SCFD2: variants seen among roughly 807,000 people sequenced by gnomAD.
SCFD2 encodes the protein sec1 family domain containing 2, also known as sec1 family domain-containing protein 2.
A neutral mutation model predicts 58.9 loss-of-function variants in SCFD2; 54 were observed. The observed-to-expected ratio is 0.92, with a 90% CI of 0.74 to 1.15. The LOEUF (loss-of-function observed/expected upper bound fraction) is 1.15. SCFD2 is among the 50% of genes most tolerant of loss of function. SCFD2 has a pLI of 0.00. For missense variants in SCFD2, 805 were observed against 836.6 expected, an observed-to-expected ratio of 0.96 and a Z score of 0.47; for synonymous variants, 321 against 335.9, an observed-to-expected ratio of 0.96 and a Z score of 0.49.
intron 4 of SCFD2, among the ~76,000 whole-genome samples, chr4:53,187,992 C>G (rs1281912425): frequency 2.0e-5 from 3 of 152,032 alleles, no homozygotes; most frequent in South Asian, 2.1e-4. Context: ...AAAAGTCATA[C>G]AGTAATGAGC....
At chr4:53,236,876 G>T (rs1180759898) in intron 4 of SCFD2, among the ~76,000 whole-genome samples, 7 of 151,112 alleles carry the variant, frequency 4.6e-5, no homozygotes, top group Non-Finnish European at 8.8e-5. Flanking sequence ...ATTCTTGGGT[G>T]TTTCTCACAG....
At chr4:53,149,806 A>G (rs1726453863) in intron 4 of SCFD2, among the ~76,000 whole-genome samples, 1 of 152,196 alleles carries the variant, frequency 6.6e-6, no homozygotes, top group Admixed American at 6.5e-5. Flanking sequence ...TGACAAAAAC[A>G]TCAGAAAAAT....
intron 5 of SCFD2, among the ~76,000 whole-genome samples, chr4:52,931,088 T>C (rs757992321): frequency 1.3e-5 from 2 of 152,192 alleles, no homozygotes; most frequent in African/African-American, 2.4e-5. Flanking sequence ...AGGCTCCTAC[T>C]AGGAATCACA....
At chr4:53,144,475 T>C (rs1726262852) in intron 5 of SCFD2, among the ~76,000 whole-genome samples, 1 of 148,078 alleles carries the variant, frequency 6.8e-6, no homozygotes, top group South Asian at 2.1e-4. Context: ...GACATATAGA[T>C]ACAGGTGTGT....
intron 5 of SCFD2, among the ~76,000 whole-genome samples, chr4:52,959,927 T>TACACAC (rs773748716): frequency 3.4e-5 from 4 of 116,030 alleles, no homozygotes; most frequent in Non-Finnish European, 5.3e-5. Flanking sequence ...CACACACACT[T>TACACAC]GAATCACCTA....
At chr4:53,200,366 C>T (rs1342200831) in intron 4 of SCFD2, among the ~76,000 whole-genome samples, 1 of 152,044 alleles carries the variant, frequency 6.6e-6, no homozygotes, top group East Asian at 1.9e-4. Flanking sequence ...TCACCACCAC[C>T]ACCACCAACT....
intron 4 of SCFD2, among the ~76,000 whole-genome samples, chr4:53,147,652 T>G (rs1448810071): frequency 6.6e-6 from 1 of 152,212 alleles, no homozygotes; most frequent in Non-Finnish European, 1.5e-5. Context: ...ACCCTAGGGC[T>G]GCCCTGTAGC....
At chr4:53,170,842 G>A (rs1727158426) in intron 4 of SCFD2, among the ~76,000 whole-genome samples, 1 of 152,122 alleles carries the variant, frequency 6.6e-6, no homozygotes, top group Admixed American at 6.5e-5. Context: ...AGCTGTTGGT[G>A]TATAGAAATG....
At chr4:53,266,238 AATCCAGGTGAGAATAT>A (rs775385264) in intron 4 of SCFD2, among the ~76,000 whole-genome samples, 37 of 152,158 alleles carry the variant, frequency 2.4e-4, no homozygotes, top group Non-Finnish European at 3.7e-4. Flanking sequence ...AGGAAACCAA[AATCCAGGTGAGAATAT>A]ATTAAAGACA....
chr4:52,911,750 T>G (rs1352796467), intron 6 of SCFD2, among the ~76,000 whole-genome samples: 1 of 152,228 alleles, frequency 6.6e-6, no homozygotes, highest in Non-Finnish European at 1.5e-5. Flanking sequence ...TATGAAAATG[T>G]GATAGTTATC....
chr4:53,297,644 G>A (rs1365518591), intron 3 of SCFD2, among the ~76,000 whole-genome samples: 1 of 152,106 alleles, frequency 6.6e-6, no homozygotes, highest in Non-Finnish European at 1.5e-5. Flanking sequence ...GGGGCATTTA[G>A]CCCATTTACA....
chr4:53,019,091 T>C (rs531493192), intron 5 of SCFD2, among the ~76,000 whole-genome samples: 13 of 152,274 alleles, frequency 8.5e-5, no homozygotes, highest in Non-Finnish European at 1.0e-4. Context: ...ATTAGGAGCC[T>C]TAAAAAGGAT....
chr4:52,970,962 T>G (rs1373051544), intron 5 of SCFD2, among the ~76,000 whole-genome samples: 3 of 152,194 alleles, frequency 2.0e-5, no homozygotes, highest in Admixed American at 2.0e-4. Context: ...GGGTCCTGAC[T>G]GTTAGAAGGA....
At chr4:53,301,716 A>C (rs1732307563) in intron 3 of SCFD2, among the ~76,000 whole-genome samples, 2 of 152,224 alleles carry the variant, frequency 1.3e-5, no homozygotes, top group Non-Finnish European at 2.9e-5. Flanking sequence ...AATACTGGTA[A>C]ACTGAATCCA....
chr4:52,924,260 G>T (rs957882810), intron 5 of SCFD2, among the ~76,000 whole-genome samples: 4 of 152,062 alleles, frequency 2.6e-5, no homozygotes, highest in Non-Finnish European at 4.4e-5. Context: ...TAAAATCCTA[G>T]ATTATACATG....
chr4:53,298,765 G>C (rs893223697), intron 3 of SCFD2, among the ~76,000 whole-genome samples: 25 of 152,126 alleles, frequency 1.6e-4, no homozygotes, highest in African/African-American at 5.1e-4. Context: ...GGAACGATCA[G>C]GCAGCAGCAT....
intron 7 of SCFD2, among the ~76,000 whole-genome samples, chr4:52,900,578 C>G (rs1046330394): frequency 6.6e-6 from 1 of 152,230 alleles, no homozygotes; most frequent in Non-Finnish European, 1.5e-5. Context: ...AGTTAGGCTA[C>G]TCGGGGGTCA....
At chr4:52,988,094 T>C (rs1721538939) in intron 5 of SCFD2, among the ~76,000 whole-genome samples, 1 of 152,020 alleles carries the variant, frequency 6.6e-6, no homozygotes, top group South Asian at 2.1e-4. Context: ...CTACAATTCA[T>C]CAGCTGTGGG....
intron 4 of SCFD2, among the ~76,000 whole-genome samples, chr4:53,239,238 C>G (rs1193637322): frequency 1.3e-5 from 2 of 152,008 alleles, no homozygotes; most frequent in African/African-American, 4.8e-5. Flanking sequence ...CAATCGCAGG[C>G]ACTCGGCAGG....
Sources: allele counts gnomAD v4.1 joint callset (sites outside exome capture counted in the v4.1 genomes callset), GRCh38; gene constraint gnomAD v4.1.1; transcripts MANE v1.5; gene names NCBI Gene and HGNC (gene_info 2026-07-23, HGNC 2026-07-21).